Variants in STARD9 observed in about 807,000 individuals in gnomAD.
The protein encoded by STARD9 is StAR related lipid transfer domain containing 9.
In STARD9, 346 loss-of-function variants were observed where a neutral mutation model predicts 399.8. The ratio of observed to expected loss-of-function variants is 0.87; its 90% CI spans 0.79 to 0.95. The LOEUF is 0.95. STARD9 is among the 40% of genes least tolerant of loss of function. The probability of loss-of-function intolerance (pLI) is 0.00; values close to 1 mark genes in which losing one functional copy is unlikely to be tolerated. For synonymous variants in STARD9, 2,203 were observed against 2,143.5 expected (o/e 1.03, Z -0.77); for missense variants, 5,832 against 5,667.5 (o/e 1.03, Z -0.93).
intron 18 of STARD9, chr15:42,675,404 C>T: frequency 2.0e-6 from 1 of 506,002 alleles, no homozygotes; most frequent in Non-Finnish European, 3.5e-6. Context: ...GCTGAGATTC[C>T]TCCTCTTCCA....
rs2060669029 is a variant in STARD9 at position 42,690,642 on chromosome 15, A to T, written c.9064A>T (p.Thr3022Ser). The T allele has an allele frequency of 2.0e-6, 3 of 1,537,094 alleles. No individual in the cohort carries two copies. In the African/African-American group the frequency reaches 4.1e-5, roughly 21 times the overall value. ...CTCTAGGGGACCTGATGTGCACTTG[A>T]CACATGGCCTTGAGCCCAAAGATGT... is the stretch of plus-strand genomic sequence containing the variant. ...EISRGPDVHL[T>S]HGLEPKDVNR... The change falls in exon 23 of 33, where the codon ACA becomes TCA. Residue 3022 changes from threonine (T) to serine (S), a missense_variant. Thr to Ser is a moderately conservative substitution (Grantham distance 58). This residue lies in a region of STARD9 where 5,828 missense variants were observed against 5,651.1 expected (regional missense o/e 1.03). Coordinates refer to ENST00000290607, the MANE Select transcript of STARD9 (RefSeq NM_020759.3).
intron 1 of STARD9, among the ~76,000 whole-genome samples, chr15:42,577,009 T>A (rs895946303): frequency 1.1e-4 from 17 of 152,168 alleles, no homozygotes; most frequent in Non-Finnish European, 2.1e-4. Context: ...GGGGGGGTTT[T>A]ATAAGTGCAG....
Position 42,718,450 on chromosome 15 carries a change from A to C in STARD9, c.13778A>C (p.Asn4593Thr), listed in dbSNP as rs764278013. 50 of 1,536,958 alleles carry C rather than the reference A, an allele frequency of 3.3e-5. No individual in the cohort carries two copies. The highest frequency in any genetic ancestry group is 1.3e-4 in the South Asian group (11 of 84,052). Residue 4593 changes from asparagine (N) to threonine (T), a missense_variant, in exon 31 of 33, where the codon AAC becomes ACC. Physicochemically the swap from Asn to Thr is moderately conservative, Grantham distance 65. Transcript: ENST00000290607. Reference sequence around the variant, plus strand: ...GTCCCTCCAGTGTACTTGGTGTGCAACACCACCCTGTGCGCACTGAAGCAG... The same window carrying C: ...GTCCCTCCAGTGTACTTGGTGTGCACCACCACCCTGTGCGCACTGAAGCAG... ...NSISLVYLVC[N>T]TTLCALKQPR...
chr15:42,649,068 T>C lies in STARD9; in HGVS notation c.560-1948T>C, dbSNP rs2059703746. On this transcript the variant is annotated intron_variant, in intron 7 of 32. Coordinates refer to ENST00000290607, the MANE Select transcript of STARD9 (RefSeq NM_020759.3). ...TCTTTGAGATGGAGCCTCGCTGTGTTGCCCAGGCTGGAGTGCAATGGCGCA... is the reference window on the plus strand; with the variant it reads ...TCTTTGAGATGGAGCCTCGCTGTGTCGCCCAGGCTGGAGTGCAATGGCGCA... Among the ~76,000 whole-genome samples the C allele has an allele frequency of 2.0e-5, 3 of 152,002 alleles. No homozygotes were observed. In the South Asian group the frequency reaches 6.2e-4, roughly 32 times the overall value.
intron 3 of STARD9, among the ~76,000 whole-genome samples, chr15:42,602,110 A>G (rs1027188161): frequency 1.3e-5 from 2 of 152,194 alleles, no homozygotes; most frequent in South Asian, 2.1e-4. Context: ...CAGCCTCCCA[A>G]AGTGATTACA....
At chr15:42,642,056 T>C (rs2059549721) in intron 7 of STARD9, among the ~76,000 whole-genome samples, 1 of 152,206 alleles carries the variant, frequency 6.6e-6, no homozygotes, top group South Asian at 2.1e-4. Flanking sequence ...TTTCTTTCTT[T>C]ATTGATACAT....
In STARD9 at chr15:42,690,359, C is replaced by T. The variant is rs1364852621; in HGVS notation, c.8781C>T (p.Gly2927=). 1.3e-6 allele frequency: 2 copies of T among 1,537,192 alleles called. No homozygotes were observed. ...PCRHPREALD[G]PVFSRNPEGS... ...GACACCCAAGGGAAGCTTTAGATGG[C>T]CCTGTCTTCTCAAGGAACCCTGAAG... Residue 2927 remains glycine, a synonymous_variant, in exon 23 of 33, where the codon GGC becomes GGT. Coordinates refer to ENST00000290607, the MANE Select transcript of STARD9 (RefSeq NM_020759.3).
intron 3 of STARD9, among the ~76,000 whole-genome samples, chr15:42,613,749 G>C (rs2058901540): frequency 1.3e-5 from 2 of 152,150 alleles, no homozygotes; most frequent in South Asian, 4.1e-4. Context: ...TGGATCATCT[G>C]AGGTCAGGAG....
intron 4 of STARD9, among the ~76,000 whole-genome samples, chr15:42,637,028 C>T (rs2059432429): frequency 6.6e-6 from 1 of 150,614 alleles, no homozygotes; most frequent in South Asian, 2.1e-4. Flanking sequence ...CATGCCATTG[C>T]ACTCCAGCCT....
At chr15:42,654,030 G>T (rs747150418) in intron 9 of STARD9, among the ~76,000 whole-genome samples, 3 of 152,124 alleles carry the variant, frequency 2.0e-5, no homozygotes, top group African/African-American at 7.2e-5. Flanking sequence ...GATATGTATT[G>T]TAATCTGTAG....
chr15:42,633,174 G>A (rs2059363101), intron 3 of STARD9, among the ~76,000 whole-genome samples: 1 of 151,800 alleles, frequency 6.6e-6, no homozygotes, highest in Admixed American at 6.6e-5. Context: ...AGGGAGTGTA[G>A]TCTTGAGTTA....
chr15:42,665,708 C>T (rs1397338245), intron 14 of STARD9, 78 bp from the exon 15 acceptor site: 8 of 1,150,660 alleles, frequency 7.0e-6, no homozygotes, highest in South Asian at 6.8e-5. Context: ...ATCTTATCCT[C>T]CTCCACAAGT....
intron 3 of STARD9, among the ~76,000 whole-genome samples, chr15:42,627,634 C>T (rs1394590530): frequency 1.3e-5 from 2 of 152,184 alleles, no homozygotes; most frequent in East Asian, 1.9e-4. Flanking sequence ...CATCATTCTA[C>T]TCTCTGTTTT....
intron 1 of STARD9, among the ~76,000 whole-genome samples, chr15:42,581,793 A>G (rs142543234): frequency 2.8e-3 from 429 of 152,352 alleles, no homozygotes; most frequent in African/African-American, 9.7e-3. Flanking sequence ...AACATTTGAT[A>G]AAAGAATACA....
rs1391758889 is a variant in STARD9, at chr15:42,692,403, G to A, written c.10825G>A (p.Gly3609Arg). The stretch of plus-strand genomic sequence containing the variant: ...GAGGAGTAAGCCCCCCTTGGCCAAA[G>A]GAAGTGCTGCAGGTCCAGTGGATGA... ...CLRSKPPLAKGSAAGPVDEIM... is the reference protein window; with the variant it reads ...CLRSKPPLAKRSAAGPVDEIM... Residue 3609 changes from glycine to arginine, a missense_variant, in exon 23 of 33, where the codon GGA becomes AGA. By Grantham distance (125) the Gly-to-Arg change is moderately radical. Coordinates refer to ENST00000290607, the MANE Select transcript of STARD9 (RefSeq NM_020759.3). 1 of 1,537,062 alleles carries A rather than the reference G, an allele frequency of 6.5e-7. No individual in the cohort carries two copies. The highest frequency in any genetic ancestry group is 2.4e-5 in the East Asian group (1 of 40,922).
chr15:42,695,250 G>A lies in STARD9; in HGVS notation c.13073G>A (p.Arg4358Gln), dbSNP rs771753597. ...GCCAAGGTGGAGATTGCCCGGGCCC[G>A]AGACCAACTGCGGGAGCGGACTGAA... ...EEAKVEIARA[R>Q]DQLRERTEQE... Residue 4358 changes from arginine to glutamine, a missense_variant, in exon 25 of 33, where the codon CGA (arginine) becomes CAA (glutamine). Physicochemically the swap from Arg to Gln is conservative, Grantham distance 43. Coordinates refer to ENST00000290607, the MANE Select transcript of STARD9 (RefSeq NM_020759.3). 166 of 1,537,188 alleles carry A rather than the reference G, an allele frequency of 1.1e-4. No homozygotes were observed. The highest frequency in any genetic ancestry group is 4.5e-4 in the African/African-American group (33 of 73,164).
At chr15:42,667,029 G>A (rs2140124149) in intron 15 of STARD9, among the ~76,000 whole-genome samples, 1 of 152,210 alleles carries the variant, frequency 6.6e-6, no homozygotes, top group Middle Eastern at 3.4e-3. Flanking sequence ...TGGCCAGGCT[G>A]GTGTCAAACT....
At chr15:42,674,051 C>G in intron 16 of STARD9, 1 of 449,510 alleles carries the variant, frequency 2.2e-6, no homozygotes, top group South Asian at 1.6e-5. Context: ...TCAACCTTTG[C>G]CCCTTAGGGA....
At position 42,684,957 on chromosome 15, in the gene STARD9, G is replaced by T; in HGVS notation, c.3379G>T (p.Glu1127Ter). Residue 1127 changes from glutamate to a stop codon, truncating the protein, a stop_gained, in exon 23 of 33, where the codon GAG becomes TAG. Coordinates refer to ENST00000290607, the MANE Select transcript of STARD9 (RefSeq NM_020759.3). LOFTEE classifies it high-confidence loss of function. ...AGCCCTGATAGAGCCACTGAAGCCA[G>T]AGGAGAGGAAATGGGATTTCCCAGA... ...AKALIEPLKP[E>*]ERKWDFPEPE... is the part of the protein sequence containing the mutation. The T allele has an allele frequency of 6.5e-7, 1 of 1,537,030 alleles. No individual in the cohort carries two copies. The highest frequency in any genetic ancestry group is 8.7e-7 in the Non-Finnish European group (1 of 1,146,926).
Sources: gnomAD v4.1 joint callset for allele counts (sites outside exome capture counted in the v4.1 genomes callset) on GRCh38, gnomAD v4.1.1 for gene constraint, gnomAD v4.1.1 regional missense constraint, MANE v1.5 for transcripts, NCBI Gene and HGNC (gene_info 2026-07-23, HGNC 2026-07-21) for gene names.